The following AGK variants were observed in gnomAD, a reference collection of about 807,000 sequenced individuals.
AGK encodes acylglycerol kinase, mitochondrial.
AGK carries 52 observed loss-of-function variants against 66.4 expected under a neutral mutation model. The ratio of observed to expected loss-of-function variants is 0.78; its 90% CI spans 0.63 to 0.99. AGK has a LOEUF of 0.99. AGK is among the 50% of genes least tolerant of loss of function. The probability of loss-of-function intolerance (pLI) is 0.00; values close to 1 mark genes in which losing one functional copy is unlikely to be tolerated. For synonymous variants in AGK, 182 were observed against 181.1 expected (o/e 1.00, Z -0.04); for missense variants, 451 against 506.6 (o/e 0.89, Z 1.05).
At chr7:141,634,119 G>A in intron 10 of AGK, 139 bp downstream of exon 10, 1 of 730,256 alleles carries the variant, frequency 1.4e-6, no homozygotes, top group Non-Finnish European at 2.4e-6. Flanking sequence ...GAATAATGGA[G>A]GTAGGAACAA....
chr7:141,596,372 T>A (rs2116926842), intron 3 of AGK, among the ~76,000 whole-genome samples, 190 bp from the exon 4 acceptor site: 1 of 152,340 alleles, frequency 6.6e-6, no homozygotes, highest in African/African-American at 2.4e-5. Flanking sequence ...CAGCTTATTG[T>A]CATTAAATAA....
At chr7:141,627,848 T>C (rs974737978) in intron 9 of AGK, among the ~76,000 whole-genome samples, 1 of 152,212 alleles carries the variant, frequency 6.6e-6, no homozygotes, top group Non-Finnish European at 1.5e-5. Flanking sequence ...CATCCCAGAG[T>C]ATCTGAGATT....
rs113986866 is a variant in AGK at position 141,615,492 on chromosome 7, A to G, written c.445A>G (p.Ile149Val). 68 of 1,613,640 alleles carry G rather than the reference A, an allele frequency of 4.2e-5. No individual in the cohort carries two copies. Among genetic ancestry groups the G allele is most frequent in the African/African-American group, 1.9e-4 (14 of 74,996 alleles). Residue 149 changes from isoleucine (I) to valine (V), a missense_variant, in exon 8 of 16, where the codon ATT becomes GTT. By Grantham distance (29) the Ile-to-Val change is conservative. Coordinates refer to ENST00000649286, the MANE Select transcript of AGK (RefSeq NM_018238.4). ...TDEATFSKIP[I>V]GFIPLGETSS... Reference sequence around the variant, plus strand: ...CCAGGCTACCTTCAGTAAGATTCCCATTGGATTTATCCCACTGGGAGAGAC... The same window carrying G: ...CCAGGCTACCTTCAGTAAGATTCCCGTTGGATTTATCCCACTGGGAGAGAC...
chr7:141,592,682 T>C (rs1035500785), intron 2 of AGK, among the ~76,000 whole-genome samples: 4 of 152,126 alleles, frequency 2.6e-5, no homozygotes, highest in Non-Finnish European at 5.9e-5. Context: ...GATGATAAGT[T>C]GTTATCAGGT....
At chr7:141,600,749 C>T (rs2116933911) in intron 4 of AGK, among the ~76,000 whole-genome samples, 1 of 152,304 alleles carries the variant, frequency 6.6e-6, no homozygotes, top group South Asian at 2.1e-4. Context: ...ACAGAGAGGG[C>T]ATGACTGTGC....
chr7:141,603,154 A>G (rs1796379064), intron 5 of AGK, among the ~76,000 whole-genome samples: 1 of 152,142 alleles, frequency 6.6e-6, no homozygotes, highest in Non-Finnish European at 1.5e-5. Flanking sequence ...AAGTCTGTTA[A>G]TTGTGTGGGT....
At chr7:141,644,094 T>TA (rs11320468) in intron 13 of AGK, among the ~76,000 whole-genome samples, 3,014 of 147,492 alleles carry the variant, frequency 0.02, 65 homozygotes, top group African/African-American at 0.057. Context: ...ATGTGAATGC[T>TA]AAAAAAAAAA....
In AGK at chr7:141,636,993, A is replaced by G; in HGVS notation, c.702A>G (p.Ala234=). 1 of 1,612,932 alleles carries G rather than the reference A, an allele frequency of 6.2e-7. No homozygotes were observed. Among genetic ancestry groups the G allele is most frequent in the Non-Finnish European group, 8.5e-7 (1 of 1,179,360 alleles). Residue 234 remains alanine (A), a synonymous_variant, in exon 11 of 16, where the codon GCA becomes GCG. Transcript: ENST00000649286. The part of the protein sequence containing the change: ...YWYLGPLKIK[A]AHFFSTLKEW... ...ATCTTGGGCCTCTAAAAATCAAAGCAGCCCACTTTTTCAGCACTCTTAAGG... is the reference window on the plus strand; with the variant it reads ...ATCTTGGGCCTCTAAAAATCAAAGCGGCCCACTTTTTCAGCACTCTTAAGG...
intron 8 of AGK, among the ~76,000 whole-genome samples, chr7:141,618,701 T>A (rs1796761398): frequency 6.6e-6 from 1 of 152,172 alleles, no homozygotes; most frequent in Non-Finnish European, 1.5e-5. Context: ...TACCATAGGA[T>A]GGCAACAATT....
chr7:141,652,889 AAG>A lies in AGK; in HGVS notation c.1240_1241del (p.Glu414ThrfsTer17), dbSNP rs775729354. 2.5e-6 allele frequency: 4 copies of A among 1,613,854 alleles called. No individual in the cohort carries two copies. The African/African-American group carries it at 5.3e-5, about 22-fold the overall frequency. On this transcript the variant is annotated frameshift_variant, in exon 16 of 16. Coordinates refer to ENST00000649286, the MANE Select transcript of AGK (RefSeq NM_018238.4). LOFTEE classifies it high-confidence loss of function. ...GCTGCAGTTCTTCTGTGATCCTAGGAAGAGAGAACAGATGCTCACAAGCCCCA... is the reference window on the plus strand; with the variant it reads ...GCTGCAGTTCTTCTGTGATCCTAGGAAGAGAACAGATGCTCACAAGCCCCA... Reference protein sequence around the residue: ...RKLQFFCDPRKREQMLTSPTQ With the variant: ...RKLQFFCDPRXREQMLTSPTQ
chr7:141,614,807 G>A (rs773702811), intron 7 of AGK, among the ~76,000 whole-genome samples: 1 of 152,106 alleles, frequency 6.6e-6, no homozygotes, highest in Non-Finnish European at 1.5e-5. Flanking sequence ...AAGCAAAAAG[G>A]TAAATGTTAA....
intron 2 of AGK, among the ~76,000 whole-genome samples, chr7:141,592,291 T>G (rs1796138132): frequency 6.6e-6 from 1 of 152,192 alleles, no homozygotes; most frequent in South Asian, 2.1e-4. Flanking sequence ...GGAGAATCCT[T>G]TTGCTTTTCC....
rs773960062 is a variant in AGK, at chr7:141,601,241, G to A, written c.258G>A (p.Pro86=). 6.2e-6 allele frequency: 10 copies of A among 1,612,668 alleles called. No individual in the cohort carries two copies. The East Asian group carries it at 8.9e-5, about 14-fold the overall frequency. The change falls in exon 5 of 16, where the codon CCG becomes CCA. Residue 86 remains proline (P), a synonymous_variant. Coordinates refer to ENST00000649286, the MANE Select transcript of AGK (RefSeq NM_018238.4). The stretch of plus-strand genomic sequence containing the variant: ...CTCTATTTGAAAAAAATGCTGCCCC[G>A]ATTTTACATTTATCTGGCATGGATG... ...ARTLFEKNAA[P]ILHLSGMDVT...
chr7:141,568,353 T>TC, intron 2 of AGK, among the ~76,000 whole-genome samples: 1 of 152,320 alleles, frequency 6.6e-6, no homozygotes, highest in East Asian at 1.9e-4. Context: ...GGGGACCTTG[T>TC]CCTCGCTCTT....
At chr7:141,625,248 G>A (rs1796911482) in intron 9 of AGK, among the ~76,000 whole-genome samples, 1 of 152,092 alleles carries the variant, frequency 6.6e-6, no homozygotes, top group African/African-American at 2.4e-5. Flanking sequence ...TCACTTTACT[G>A]CAGTGGTCAG....
At chr7:141,553,967 CAA>C (rs1237438843) in intron 1 of AGK, among the ~76,000 whole-genome samples, 1 of 151,788 alleles carries the variant, frequency 6.6e-6, no homozygotes, top group Admixed American at 6.6e-5. Context: ...AGTTCATTTT[CAA>C]AAACTTAGAA....
intron 8 of AGK, 134 bp downstream of exon 8, chr7:141,615,699 G>C (rs1796688643): frequency 1.4e-6 from 1 of 719,236 alleles, no homozygotes; most frequent in Non-Finnish European, 2.4e-6. Context: ...ACCTAGATCA[G>C]AGTTCAGCCT....
chr7:141,652,649 G>T, intron 15 of AGK, 138 bp from the exon 16 acceptor site: 1 of 874,622 alleles, frequency 1.1e-6, no homozygotes, highest in Non-Finnish European at 1.7e-6. Context: ...ATTTTTTTTT[G>T]TAAAAGAACA....
intron 4 of AGK, among the ~76,000 whole-genome samples, chr7:141,600,026 T>C (rs1363748709): frequency 1.3e-5 from 2 of 152,212 alleles, no homozygotes; most frequent in Admixed American, 6.5e-5. Context: ...TGTGCATAAC[T>C]ATACGTGTTC....
Sources: allele counts gnomAD v4.1 joint callset (sites outside exome capture counted in the v4.1 genomes callset), GRCh38; gene constraint gnomAD v4.1.1; transcripts MANE v1.5; gene names NCBI Gene and HGNC (gene_info 2026-07-23, HGNC 2026-07-21).